The following MTA3 variants were observed in gnomAD, a reference collection of about 807,000 sequenced individuals.
The protein encoded by MTA3 is metastasis-associated protein MTA3.
Under a neutral mutation model 83.5 loss-of-function variants are expected in MTA3, and 34 were observed. The observed-to-expected ratio is 0.41, with a 90% CI of 0.31 to 0.54. MTA3 has a LOEUF of 0.54. MTA3 is among the 20% of genes least tolerant of loss of function. MTA3 has a pLI of 0.33. For synonymous variants in MTA3, 303 were observed against 252.7 expected, an observed-to-expected ratio of 1.20 and a Z score of -1.89; for missense variants, 761 against 726.4, an observed-to-expected ratio of 1.05 and a Z score of -0.55.
intron 7 of MTA3, among the ~76,000 whole-genome samples, chr2:42,659,110 TAATAAA>T (rs1689443391): frequency 6.6e-6 from 1 of 151,676 alleles, no homozygotes; most frequent in African/African-American, 2.4e-5. Context: ...AAAATAAAAA[TAATAAA>T]AATAAAAAAT....
chr2:42,548,845 T>A (rs868344426), intron 2 of MTA3, among the ~76,000 whole-genome samples: 238 of 8,098 alleles, frequency 0.029, 18 homozygotes, highest in Non-Finnish European at 0.04. Flanking sequence ...TATATATATA[T>A]AATATATATA....
chr2:42,609,332 A>T (rs564867145), intron 3 of MTA3, 126 bp from the exon 4 acceptor site: 1 of 1,083,490 alleles, frequency 9.2e-7, no homozygotes, highest in East Asian at 2.7e-5. Flanking sequence ...GCACCTGGCA[A>T]ATGTTTAAAT....
intron 11 of MTA3, 75 bp downstream of exon 11, chr2:42,697,909 G>C: frequency 8.9e-7 from 1 of 1,118,114 alleles, no homozygotes; most frequent in Non-Finnish European, 1.2e-6. Flanking sequence ...ATTTTGTTCA[G>C]TTTCAGCAAA....
chr2:42,538,923 C>T (rs1443046001), intron 2 of MTA3, among the ~76,000 whole-genome samples: 6 of 148,786 alleles, frequency 4.0e-5, no homozygotes, highest in Non-Finnish European at 7.4e-5. Flanking sequence ...TACAGGCGCC[C>T]GCCACCGTGC....
In MTA3 at chr2:42,568,683, C is replaced by T. The variant is rs1226779024; in HGVS notation, c.-63C>T. The T allele has an allele frequency of 2.4e-5, 27 of 1,136,902 alleles. No individual in the cohort carries two copies. The highest frequency in any genetic ancestry group is 2.9e-5 in the Non-Finnish European group (27 of 923,992). The allele number at this position is 1,136,902 out of a possible 1,614,324, so 70.4% of individuals were successfully genotyped here. On this transcript the variant is annotated 5_prime_UTR_variant, in exon 1 of 17. Transcript: ENST00000405094. ...GCGGCAGCGGCGGTCGCGGCTGAGG[C>T]TGAGGAGGAGGCGGCGGCGGCGGGC...
Position 42,695,826 on chromosome 2 carries a change from G to T in MTA3, c.953G>T (p.Arg318Ile). 1 of 1,583,384 alleles carries T rather than the reference G, an allele frequency of 6.3e-7. No homozygotes were observed. Among genetic ancestry groups the T allele is most frequent in the Non-Finnish European group, 8.6e-7 (1 of 1,163,512 alleles). ...TATTACATGTGGAAAACTACTGACAGATATGTGCAACAGGTAATTTTTTTC... is the reference window on the plus strand; with the variant it reads ...TATTACATGTGGAAAACTACTGACATATATGTGCAACAGGTAATTTTTTTC... ...EYYYMWKTTD[R>I]YVQQKRLKAA... Residue 318 changes from arginine (R) to isoleucine (I), a missense_variant, in exon 10 of 17, where the codon AGA (arginine) becomes ATA (isoleucine). Transcript: ENST00000405094.
intron 8 of MTA3, among the ~76,000 whole-genome samples, chr2:42,681,591 C>A (rs1164840753): frequency 6.6e-6 from 1 of 152,182 alleles, no homozygotes; most frequent in Non-Finnish European, 1.5e-5. Context: ...CAGCTGACTG[C>A]AGCCTCAACC....
At chr2:42,603,878 C>CTACAGGG (rs1682896319) in intron 3 of MTA3, among the ~76,000 whole-genome samples, 1 of 152,094 alleles carries the variant, frequency 6.6e-6, no homozygotes, top group African/African-American at 2.4e-5. Flanking sequence ...AGCCTCCCCA[C>CTACAGGG]TACCTGGGAC....
At chr2:42,679,045 T>TA (rs536278503) in intron 8 of MTA3, among the ~76,000 whole-genome samples, 2 of 152,290 alleles carry the variant, frequency 1.3e-5, no homozygotes, top group African/African-American at 2.4e-5. Context: ...TCAGAGCAGT[T>TA]AACTGATCTG....
chr2:42,613,193 C>G (rs1229689852), intron 4 of MTA3, among the ~76,000 whole-genome samples: 1 of 152,064 alleles, frequency 6.6e-6, no homozygotes, highest in Non-Finnish European at 1.5e-5. Flanking sequence ...AACACATTTC[C>G]TGAGTATATT....
intron 5 of MTA3, 143 bp downstream of exon 5, chr2:42,640,379 G>A (rs1687598477): frequency 1.6e-6 from 1 of 613,860 alleles, no homozygotes; most frequent in East Asian, 3.1e-5. Flanking sequence ...ATAGTGACTA[G>A]AATGCATTCG....
intron 11 of MTA3, 115 bp from the exon 12 acceptor site, chr2:42,704,079 A>T: frequency 1.1e-5 from 14 of 1,221,378 alleles, no homozygotes; most frequent in Non-Finnish European, 1.6e-5. Context: ...TTCTTCACAC[A>T]TTTTAAAATG....
At chr2:42,668,833 C>G (rs1690526674) in intron 8 of MTA3, among the ~76,000 whole-genome samples, 1 of 152,038 alleles carries the variant, frequency 6.6e-6, no homozygotes, top group Non-Finnish European at 1.5e-5. Context: ...TATAATCTTC[C>G]TCTTAAAACA....
intron 2 of MTA3, among the ~76,000 whole-genome samples, chr2:42,547,747 C>T (rs1253770297): frequency 6.6e-6 from 1 of 152,208 alleles, no homozygotes; most frequent in Non-Finnish European, 1.5e-5. Context: ...GTCTATTAAG[C>T]TAGGTTGCAG....
rs189705093 is a variant in MTA3 at position 42,510,456 on chromosome 2, C to T, written c.-141+15202C>T. On this transcript the variant is annotated intron_variant, in intron 2 of 17. Coordinates refer to the MTA3 transcript ENST00000405592. Reference sequence around the variant, plus strand: ...GATCAGCTCCCATCATGTCTGGGTCCCCGCCTTCACCCCTTCTGTCCCTGG... The same window carrying T: ...GATCAGCTCCCATCATGTCTGGGTCTCCGCCTTCACCCCTTCTGTCCCTGG... 1.2e-4 allele frequency among the ~76,000 whole-genome samples: 18 copies of T among 152,210 alleles called. No homozygotes were observed. The East Asian group carries it at 3.1e-3, about 26-fold the overall frequency.
intron 4 of MTA3, among the ~76,000 whole-genome samples, chr2:42,631,829 A>C (rs1015808107): frequency 2.7e-5 from 4 of 149,198 alleles, no homozygotes; most frequent in African/African-American, 9.9e-5. Flanking sequence ...AGCTGGGCTT[A>C]CAGGTGCTCA....
chr2:42,682,343 C>G, intron 8 of MTA3, 58 bp from the exon 9 acceptor site: 1 of 1,284,930 alleles, frequency 7.8e-7, no homozygotes, highest in East Asian at 2.5e-5. Flanking sequence ...TATATTCTTA[C>G]ATAATGTAGC....
intron 8 of MTA3, among the ~76,000 whole-genome samples, chr2:42,661,695 C>T (rs1488631625): frequency 6.6e-6 from 1 of 151,716 alleles, no homozygotes; most frequent in Non-Finnish European, 1.5e-5. Flanking sequence ...TTCTCATTAC[C>T]CAGAGTAGAA....
intron 2 of MTA3, among the ~76,000 whole-genome samples, chr2:42,561,217 T>C (rs1003950648): frequency 3.1e-4 from 47 of 152,316 alleles, no homozygotes; most frequent in Middle Eastern, 3.4e-3. Flanking sequence ...TCTTAGCATA[T>C]ACAAAAGGCC....
Sources: allele counts gnomAD v4.1 joint callset (sites outside exome capture counted in the v4.1 genomes callset), GRCh38; gene constraint gnomAD v4.1.1; transcripts MANE v1.5; gene names NCBI Gene and HGNC (gene_info 2026-07-23, HGNC 2026-07-21).